The following ARHGEF6 variants were observed in gnomAD, a reference collection of about 807,000 sequenced individuals.
ARHGEF6 encodes Rac/Cdc42 guanine nucleotide exchange factor 6, also known as rho guanine nucleotide exchange factor 6.
In ARHGEF6, 9 loss-of-function variants were observed where a neutral mutation model predicts 70.3. The ratio of observed to expected loss-of-function variants is 0.13; its 90% CI spans 0.08 to 0.22. The LOEUF is 0.22. ARHGEF6 is among the 10% of genes least tolerant of loss of function. The probability of loss-of-function intolerance (pLI) is 1.00; values close to 1 mark genes in which losing one functional copy is unlikely to be tolerated. For synonymous variants in ARHGEF6, 201 were observed against 207.8 expected, an observed-to-expected ratio of 0.97 and a Z score of 0.28; for missense variants, 470 against 563.0, an observed-to-expected ratio of 0.83 and a Z score of 1.67.
intron 6 of ARHGEF6, among the ~76,000 whole-genome samples, chrX:136,720,093 C>T (rs748420319): frequency 2.7e-5 from 3 of 112,066 alleles, no homozygotes; most frequent in Admixed American, 9.4e-5. Context: ...TCTTTACAAT[C>T]TCTTCCAAAA....
chrX:136,722,716 TA>T (rs1399233453), intron 6 of ARHGEF6, among the ~76,000 whole-genome samples: 1 of 112,269 alleles, frequency 8.9e-6, no homozygotes, highest in Non-Finnish European at 1.9e-5. Flanking sequence ...GGTAAGAATG[TA>T]AAATGGTACT....
intron 2 of ARHGEF6, among the ~76,000 whole-genome samples, chrX:136,771,168 T>C (rs1238918192): frequency 8.9e-6 from 1 of 111,998 alleles, no homozygotes; most frequent in Non-Finnish European, 1.9e-5. Flanking sequence ...TGAATGAAAC[T>C]AAAGACAAAT....
At chrX:136,766,394 G>C (rs2077314875) in intron 2 of ARHGEF6, among the ~76,000 whole-genome samples, 1 of 108,529 alleles carries the variant, frequency 9.2e-6, no homozygotes, top group Non-Finnish European at 1.9e-5. Flanking sequence ...GTTTTTTTTG[G>C]GGGGGGGTTA....
At chrX:136,708,652 T>A (rs749264865) in intron 8 of ARHGEF6, 23 bp downstream of exon 8, 1 of 1,160,033 alleles carries the variant, frequency 8.6e-7, no homozygotes. Flanking sequence ...CTGGCTATCC[T>A]ATCAGAAATA....
intron 10 of ARHGEF6, 94 bp from the exon 11 acceptor site, chrX:136,688,085 T>C: frequency 1.5e-6 from 1 of 653,126 alleles, no homozygotes. Flanking sequence ...GCCACAAAGA[T>C]AGCAAGAGAA....
chrX:136,720,643 T>C (rs2076786792), intron 6 of ARHGEF6, among the ~76,000 whole-genome samples: 1 of 111,674 alleles, frequency 9.0e-6, no homozygotes, highest in Admixed American at 9.5e-5. Context: ...TTCAACATCA[T>C]ATTGAATGTC....
At chrX:136,721,730 T>C (rs1229401392) in intron 6 of ARHGEF6, among the ~76,000 whole-genome samples, 1 of 111,401 alleles carries the variant, frequency 9.0e-6, no homozygotes. Context: ...CTTAAAAAGT[T>C]GATCTCATAG....
chrX:136,748,018 G>A (rs1484439438), intron 2 of ARHGEF6, among the ~76,000 whole-genome samples: 1 of 111,813 alleles, frequency 8.9e-6, no homozygotes, highest in Non-Finnish European at 1.9e-5. Flanking sequence ...TTTTTGACAT[G>A]GTTGCATCTG....
intron 6 of ARHGEF6, among the ~76,000 whole-genome samples, 161 bp from the exon 7 acceptor site, chrX:136,713,531 C>G (rs1026913972): frequency 8.9e-6 from 1 of 112,502 alleles, no homozygotes; most frequent in Non-Finnish European, 1.9e-5. Flanking sequence ...TTCTTTCAAT[C>G]TAGCAAACTA....
intron 6 of ARHGEF6, among the ~76,000 whole-genome samples, chrX:136,729,593 A>G (rs2148644838): frequency 9.3e-6 from 1 of 107,032 alleles, no homozygotes; most frequent in African/African-American, 3.4e-5. Flanking sequence ...GCACTTTCGG[A>G]GGCCAAGGCG....
chrX:136,697,186 C>T (rs898010557), intron 9 of ARHGEF6, among the ~76,000 whole-genome samples: 1 of 111,542 alleles, frequency 9.0e-6, no homozygotes, highest in Non-Finnish European at 1.9e-5. Context: ...TGAAGCTCTC[C>T]ATGAAGAAAT....
chrX:136,726,323 A>G (rs889388144), intron 6 of ARHGEF6, among the ~76,000 whole-genome samples: 3 of 111,950 alleles, frequency 2.7e-5, no homozygotes, highest in Admixed American at 9.5e-5. Context: ...TAGATTCACG[A>G]ACTCCACAGG....
At chrX:136,767,422 C>T in intron 2 of ARHGEF6, 4 of 755,132 alleles carry the variant, frequency 5.3e-6, no homozygotes, top group Middle Eastern at 7.6e-4. Context: ...GAGGGGGCGC[C>T]CGTCTCCAAA....
intron 6 of ARHGEF6, among the ~76,000 whole-genome samples, chrX:136,714,070 G>A (rs952345450): frequency 5.4e-5 from 6 of 111,925 alleles, no homozygotes; most frequent in African/African-American, 2.0e-4. Context: ...AAGGCAAAAG[G>A]TGCTACCATA....
chrX:136,740,053 G>C (rs941019770), intron 5 of ARHGEF6, among the ~76,000 whole-genome samples: 2 of 110,680 alleles, frequency 1.8e-5, no homozygotes, highest in African/African-American at 6.6e-5. Context: ...CTGTCACCCA[G>C]GCTGGAGTGC....
intron 11 of ARHGEF6, 24 bp downstream of exon 11, chrX:136,687,908 T>C (rs749659617): frequency 1.0e-5 from 12 of 1,174,022 alleles, no homozygotes; most frequent in East Asian, 3.0e-5. Flanking sequence ...AAATGGAGAA[T>C]TGTGATTTTA....
chrX:136,710,683 T>A (rs2076676175), intron 7 of ARHGEF6, among the ~76,000 whole-genome samples: 1 of 110,527 alleles, frequency 9.0e-6, no homozygotes, highest in Non-Finnish European at 1.9e-5. Flanking sequence ...GACAAGATAG[T>A]GAGAAGTAAT....
rs2077441815 is a variant in ARHGEF6 at position 136,780,864 on chromosome X, T to C, written c.19A>G (p.Ile7Val). The change falls in exon 1 of 22, where the codon ATC becomes GTC. Residue 7 changes from isoleucine (I) to valine (V), a missense_variant. Ile to Val is a conservative substitution (Grantham distance 29, BLOSUM62 3). Coordinates refer to ENST00000250617, the MANE Select transcript of ARHGEF6 (RefSeq NM_004840.3). ...CCCAAAGATATAAGCCATGTCACGA[T>C]TTGTTCTTCTGGATTCATTACTGAG... MNPEEQ[I>V]VTWLISLGVL... is the part of the protein sequence containing the mutation. 1 of 1,211,451 alleles carries C rather than the reference T, an allele frequency of 8.3e-7. No homozygotes were observed. The highest frequency in any genetic ancestry group is 1.7e-5 in the African/African-American group (1 of 57,706).
At chrX:136,730,613 G>T (rs1034607334) in intron 6 of ARHGEF6, among the ~76,000 whole-genome samples, 5 of 111,645 alleles carry the variant, frequency 4.5e-5, no homozygotes, top group African/African-American at 1.6e-4. Context: ...AAACATATAT[G>T]TCCTTTGACC....
Sources: gnomAD v4.1 joint callset for allele counts (sites outside exome capture counted in the v4.1 genomes callset) on GRCh38, gnomAD v4.1.1 for gene constraint, MANE v1.5 for transcripts, NCBI Gene and HGNC (gene_info 2026-07-23, HGNC 2026-07-21) for gene names.